LRP1B: variants seen among roughly 807,000 people sequenced by gnomAD.
LRP1B encodes low-density lipoprotein receptor-related protein 1B.
A neutral mutation model predicts 556.6 loss-of-function variants in LRP1B; 217 were observed. That is an observed-to-expected ratio of 0.39 (90% confidence interval 0.35 to 0.44). The LOEUF is 0.44. Among genes scored for constraint, LRP1B ranks in the 20% least tolerant of loss-of-function variants. The probability of loss-of-function intolerance (pLI) is 1.00; values close to 1 mark genes in which losing one functional copy is unlikely to be tolerated. For synonymous variants in LRP1B, 2,047 were observed against 1,865.8 expected (o/e 1.10, Z -2.50); for missense variants, 5,053 against 5,620.8 (o/e 0.90, Z 3.23).
At chr2:141,897,883 T>TAC (rs916319311) in intron 1 of LRP1B, among the ~76,000 whole-genome samples, 12 of 152,198 alleles carry the variant, frequency 7.9e-5, no homozygotes, top group African/African-American at 2.2e-4. Flanking sequence ...GGATTGTGCA[T>TAC]ACACACACAC....
chr2:140,347,982 G>T (rs1244770386), intron 77 of LRP1B, among the ~76,000 whole-genome samples: 1 of 151,914 alleles, frequency 6.6e-6, no homozygotes, highest in African/African-American at 2.4e-5. Context: ...TCATAAGATA[G>T]AAAATCAATT....
At chr2:141,701,119 T>A (rs16846899) in intron 2 of LRP1B, among the ~76,000 whole-genome samples, 54,293 of 151,640 alleles carry the variant, frequency 0.36, 10,251 homozygotes, top group East Asian at 0.59. Flanking sequence ...GCCCCAAAAC[T>A]TCATCCAAAC....
At chr2:141,947,816 GAAA>G (rs373885349) in intron 1 of LRP1B, among the ~76,000 whole-genome samples, 2 of 140,898 alleles carry the variant, frequency 1.4e-5, no homozygotes, top group East Asian at 2.0e-4. Context: ...TTAAATATCA[GAAA>G]AAAAAAACAA....
intron 6 of LRP1B, among the ~76,000 whole-genome samples, chr2:141,202,083 C>T (rs1464668330): frequency 1.3e-5 from 2 of 152,190 alleles, no homozygotes; most frequent in Admixed American, 6.5e-5. Context: ...GCCCAGCATC[C>T]ACTAGCTATT....
intron 5 of LRP1B, among the ~76,000 whole-genome samples, chr2:141,239,944 T>A (rs1484629141): frequency 1.3e-5 from 2 of 152,120 alleles, no homozygotes; most frequent in Non-Finnish European, 2.9e-5. Flanking sequence ...GTACTCTAAG[T>A]ACTCAATCAT....
Position 140,505,623 on chromosome 2 carries a change from T to TA in LRP1B, c.8521+1172dup, listed in dbSNP as rs140004217. ...AGCAGAGGGGAGATATTCAATCAGA[T>TA]ATAACTCTGCTTCAGATTTATATCT... On this transcript the variant is annotated intron_variant, in intron 53 of 90. Coordinates refer to ENST00000389484, the MANE Select transcript of LRP1B (RefSeq NM_018557.3). Among the ~76,000 whole-genome samples the TA allele has an allele frequency of 2.4e-3, 372 of 152,364 alleles. 2 individuals are homozygous for TA. Among genetic ancestry groups the TA allele is most frequent in the African/African-American group, 8.3e-3 (346 of 41,588 alleles).
intron 1 of LRP1B, among the ~76,000 whole-genome samples, chr2:141,972,692 G>C (rs1261898142): frequency 6.6e-6 from 1 of 151,332 alleles, no homozygotes; most frequent in Non-Finnish European, 1.5e-5. Flanking sequence ...TTATCTCGAA[G>C]CACGATTGTT....
chr2:141,499,782 AT>A (rs1347307920), intron 2 of LRP1B, among the ~76,000 whole-genome samples: 2 of 152,120 alleles, frequency 1.3e-5, no homozygotes, highest in African/African-American at 2.4e-5. Context: ...AAATAAAAAA[AT>A]AAAATATATA....
intron 3 of LRP1B, among the ~76,000 whole-genome samples, chr2:141,422,251 T>C (rs145151263): frequency 3.0e-4 from 46 of 152,282 alleles, no homozygotes; most frequent in African/African-American, 9.4e-4. Flanking sequence ...CATGTATGAA[T>C]CCACCATAGT....
chr2:141,818,314 C>T lies in LRP1B; in HGVS notation c.83-7913G>A, dbSNP rs367627911. Among the ~76,000 whole-genome samples the T allele has an allele frequency of 7.9e-5, 12 of 152,120 alleles. No individual in the cohort carries two copies. The East Asian group carries it at 1.7e-3, about 22-fold the overall frequency. On this transcript the variant is annotated intron_variant, in intron 1 of 90. Coordinates refer to ENST00000389484, the MANE Select transcript of LRP1B (RefSeq NM_018557.3). ...GTTAGTTATAAAATATCAAGAAGTA[C>T]CTTAATCCCCTTCCTTTACATTCAC...
intron 86 of LRP1B, among the ~76,000 whole-genome samples, chr2:140,253,138 T>G (rs16843680): frequency 0.15 from 22,072 of 151,946 alleles, 2,053 homozygotes; most frequent in East Asian, 0.32. Flanking sequence ...ATTTACTTGA[T>G]TCAACTCTAT....
chr2:142,124,982 G>C (rs189070480), intron 1 of LRP1B, among the ~76,000 whole-genome samples: 14 of 151,758 alleles, frequency 9.2e-5, no homozygotes, highest in African/African-American at 2.7e-4. Context: ...TAGTCAGGGA[G>C]CTCAGTCAAA....
At chr2:141,054,681 G>A (rs1699128662) in intron 10 of LRP1B, among the ~76,000 whole-genome samples, 1 of 151,962 alleles carries the variant, frequency 6.6e-6, no homozygotes, top group Non-Finnish European at 1.5e-5. Context: ...ATCATGGAGT[G>A]AATTCACTCC....
intron 2 of LRP1B, among the ~76,000 whole-genome samples, chr2:141,499,835 G>A (rs553649314): frequency 2.2e-4 from 34 of 152,020 alleles, no homozygotes; most frequent in Non-Finnish European, 4.4e-4. Context: ...CTTAATAGAT[G>A]CAAATTTGTA....
intron 3 of LRP1B, among the ~76,000 whole-genome samples, chr2:141,386,731 C>T (rs1244546799): frequency 6.6e-6 from 1 of 151,912 alleles, no homozygotes; most frequent in Admixed American, 6.5e-5. Flanking sequence ...ATGAAGCAAA[C>T]ATGCACAGAT....
chr2:141,292,011 C>T (rs181979026), intron 3 of LRP1B, among the ~76,000 whole-genome samples: 6 of 152,268 alleles, frequency 3.9e-5, no homozygotes, highest in Admixed American at 1.3e-4. Context: ...ACTACCAGTC[C>T]GTGGCCTGTT....
intron 3 of LRP1B, among the ~76,000 whole-genome samples, chr2:141,307,612 C>A (rs963856643): frequency 6.6e-6 from 1 of 151,962 alleles, no homozygotes; most frequent in Admixed American, 6.6e-5. Context: ...TGTTTACATC[C>A]AAGGTTAGGA....
At position 142,031,330 on chromosome 2, in the gene LRP1B, A is replaced by ATTTTTTTTTTTTTTTTTTT. The variant is rs560363480; in HGVS notation, c.82+99317_82+99318insAAAAAAAAAAAAAAAAAAA. Among the ~76,000 whole-genome samples, 52 of 117,006 alleles carry ATTTTTTTTTTTTTTTTTTT rather than the reference A, an allele frequency of 4.4e-4. 4 individuals are homozygous for ATTTTTTTTTTTTTTTTTTT. Among genetic ancestry groups the ATTTTTTTTTTTTTTTTTTT allele is most frequent in the African/African-American group, 7.1e-4 (24 of 33,938 alleles). The allele number at this position is 117,006 out of a possible 152,430, so 76.8% of individuals were successfully genotyped here. ...ATTTAGAGAAAGGTTGATTATACTT[A>ATTTTTTTTTTTTTTTTTTT]TTTTTTTTTTTTTTTTTTATTATAC... On this transcript the variant is annotated intron_variant, in intron 1 of 90. Transcript: ENST00000389484.
intron 80 of LRP1B, among the ~76,000 whole-genome samples, 174 bp downstream of exon 80, chr2:140,325,586 CTA>C (rs1259774591): frequency 2.6e-5 from 4 of 152,086 alleles, no homozygotes; most frequent in Non-Finnish European, 2.9e-5. Flanking sequence ...GCCCTGGCCT[CTA>C]TTTTTTTCCA....
Sources: gnomAD v4.1 joint callset for allele counts (sites outside exome capture counted in the v4.1 genomes callset) on GRCh38, gnomAD v4.1.1 for gene constraint, MANE v1.5 for transcripts, NCBI Gene and HGNC (gene_info 2026-07-23, HGNC 2026-07-21) for gene names.